Variants in NFYC observed in about 807,000 individuals in gnomAD.
The protein encoded by NFYC is CAAT box DNA-binding protein subunit C.
Under a neutral mutation model 53.1 loss-of-function variants are expected in NFYC, and 25 were observed. That is an observed-to-expected ratio of 0.47 (90% CI 0.34 to 0.66). The LOEUF (loss-of-function observed/expected upper bound fraction) is 0.66, where lower values mean the gene tolerates loss of function less well. Ranked by LOEUF, NFYC falls within the 30% of genes least tolerant of loss-of-function variation. The pLI is 0.01. For synonymous variants in NFYC, 145 were observed against 152.6 expected (o/e 0.95, Z 0.37); for missense variants, 260 against 422.7 (o/e 0.62, Z 3.38).
At chr1:40,752,366 TA>T (rs1645964211) in intron 4 of NFYC, among the ~76,000 whole-genome samples, 1 of 152,212 alleles carries the variant, frequency 6.6e-6, no homozygotes, top group South Asian at 2.1e-4. Flanking sequence ...AAATCTTTAG[TA>T]AAGTACACAA....
chr1:40,749,007 A>C (rs550651670), intron 3 of NFYC, among the ~76,000 whole-genome samples: 1 of 152,324 alleles, frequency 6.6e-6, no homozygotes, highest in South Asian at 2.1e-4. Flanking sequence ...TTTGACCAAG[A>C]GCTTCAACTT....
At position 40,764,286 on chromosome 1, in the gene NFYC, C is replaced by T. The variant is rs144538740; in HGVS notation, c.720+1240C>T. The stretch of plus-strand genomic sequence containing the variant: ...TTAACCACTTCCTCTGTGAAAATAA[C>T]TCTAAAAGTATCCTGAGATCAGTTT... On this transcript the variant is annotated intron_variant, in intron 7 of 9. Transcript: ENST00000447388. Among the ~76,000 whole-genome samples, 98 of 152,302 alleles carry T rather than the reference C, an allele frequency of 6.4e-4. 2 individuals are homozygous for T. In the East Asian group the frequency reaches 0.011, roughly 17 times the overall value.
chr1:40,703,925 A>T (rs562247726), intron 1 of NFYC, among the ~76,000 whole-genome samples: 4 of 152,214 alleles, frequency 2.6e-5, no homozygotes, highest in Non-Finnish European at 5.9e-5. Flanking sequence ...GAAATGGTTA[A>T]GTATCTTGGC....
chr1:40,718,094 A>G (rs1240917582), intron 1 of NFYC, among the ~76,000 whole-genome samples: 2 of 152,200 alleles, frequency 1.3e-5, no homozygotes, highest in Admixed American at 1.3e-4. Flanking sequence ...TTATAATCTA[A>G]ACTCCATGAT....
At chr1:40,725,387 T>C (rs1644474039) in intron 1 of NFYC, among the ~76,000 whole-genome samples, 1 of 152,208 alleles carries the variant, frequency 6.6e-6, no homozygotes, top group Non-Finnish European at 1.5e-5. Flanking sequence ...GGCCACCAGC[T>C]AGTAGGCAGC....
chr1:40,724,047 C>T (rs1054694016), intron 1 of NFYC, among the ~76,000 whole-genome samples: 1 of 152,112 alleles, frequency 6.6e-6, no homozygotes, highest in African/African-American at 2.4e-5. Context: ...AACTCTTCAA[C>T]TCTACTGTTT....
rs1331787253 is a variant in NFYC, at chr1:40,749,131, A to G, written c.178-442A>G. Among the ~76,000 whole-genome samples the G allele has an allele frequency of 3.3e-5, 5 of 152,216 alleles. No homozygotes were observed. In the South Asian group the frequency reaches 8.3e-4, roughly 25 times the overall value. On this transcript the variant is annotated intron_variant, in intron 3 of 9. Transcript: ENST00000447388. ...ATTGCCACAATAAAACTGAAAGGTTATCCTCTTTTTCAGTACATGAAAAAG... is the reference window on the plus strand; with the variant it reads ...ATTGCCACAATAAAACTGAAAGGTTGTCCTCTTTTTCAGTACATGAAAAAG...
intron 1 of NFYC, among the ~76,000 whole-genome samples, chr1:40,737,069 G>A (rs1398791928): frequency 6.8e-6 from 1 of 146,102 alleles, no homozygotes; most frequent in East Asian, 2.1e-4. Flanking sequence ...AGAGGTTGCA[G>A]TGAGCTGAAA....
intron 5 of NFYC, among the ~76,000 whole-genome samples, chr1:40,755,100 G>A (rs981686268): frequency 2.0e-5 from 3 of 152,132 alleles, no homozygotes; most frequent in Non-Finnish European, 2.9e-5. Context: ...CCTTTAAAAC[G>A]CCTACTCTCC....
rs977187617 is a variant in NFYC, at chr1:40,762,827, C to T, written c.562-61C>T. 8.9e-5 allele frequency: 128 copies of T among 1,435,252 alleles called. No individual in the cohort carries two copies. In the African/African-American group the frequency reaches 1.3e-3, roughly 15 times the overall value. The allele number at this position is 1,435,252 out of a possible 1,614,324, so 88.9% of individuals were successfully genotyped here. A position where few individuals can be genotyped will look rare whatever the true frequency, so the allele number is the denominator to read the frequency against. On this transcript the variant is annotated intron_variant, in intron 6 of 9. Transcript: ENST00000447388. ...AGCACATTGCTCGTTATTAACCTCT[C>T]GGTAATCCTGTGGGCTCTGAGCCTG...
intron 1 of NFYC, among the ~76,000 whole-genome samples, chr1:40,726,951 G>A (rs1056695258): frequency 2.0e-5 from 3 of 152,104 alleles, no homozygotes; most frequent in Non-Finnish European, 4.4e-5. Context: ...TTCAAGGAAC[G>A]ACTTTCTTTG....
intron 2 of NFYC, among the ~76,000 whole-genome samples, chr1:40,743,386 C>T (rs562872187): frequency 6.6e-6 from 1 of 152,230 alleles, no homozygotes; most frequent in Non-Finnish European, 1.5e-5. Context: ...AAATAACAGA[C>T]TTCTTCGTGT....
At chr1:40,737,061 A>C (rs1006982574) in intron 1 of NFYC, among the ~76,000 whole-genome samples, 1 of 144,732 alleles carries the variant, frequency 6.9e-6, no homozygotes, top group Non-Finnish European at 1.5e-5. Flanking sequence ...TGGGAGGCAG[A>C]GGTTGCAGTG....
chr1:40,700,811 T>C (rs489213), intron 1 of NFYC, among the ~76,000 whole-genome samples: 18,653 of 152,234 alleles, frequency 0.12, 1,258 homozygotes, highest in African/African-American at 0.15. Flanking sequence ...GGTCTTGAAC[T>C]CAGTGTCTTC....
chr1:40,760,124 T>C (rs1370431248), intron 6 of NFYC, among the ~76,000 whole-genome samples: 3 of 152,194 alleles, frequency 2.0e-5, no homozygotes, highest in Non-Finnish European at 4.4e-5. Context: ...ACCTGGATAA[T>C]TTTTAATTTT....
chr1:40,722,862 C>G (rs949278763), intron 1 of NFYC, among the ~76,000 whole-genome samples: 2 of 152,086 alleles, frequency 1.3e-5, no homozygotes, highest in Non-Finnish European at 2.9e-5. Context: ...GTGCTGCTAA[C>G]CTGCCTAGAG....
intron 6 of NFYC, among the ~76,000 whole-genome samples, chr1:40,761,613 GTCTT>G (rs1224319090): frequency 2.0e-5 from 3 of 152,102 alleles, no homozygotes; most frequent in Admixed American, 6.6e-5. Context: ...ACACTCTGTC[GTCTT>G]TCTTTTTGGC....
Position 40,715,504 on chromosome 1 carries a change from A to G in NFYC, c.-8-23332A>G, listed in dbSNP as rs74666224. 3.8e-3 allele frequency among the ~76,000 whole-genome samples: 574 copies of G among 152,138 alleles called. 3 individuals are homozygous for G. Among genetic ancestry groups the G allele is most frequent in the African/African-American group, 0.013 (548 of 41,500 alleles). ...AGGATCTTTCTACCTCAGCCTCCCA[A>G]AGCACTGGCATTTACAGGTGTGAGC... On this transcript the variant is annotated intron_variant, in intron 1 of 9. Coordinates refer to ENST00000447388, the MANE Select transcript of NFYC (RefSeq NM_014223.5).
At chr1:40,699,665 A>C (rs1263561834) in intron 1 of NFYC, among the ~76,000 whole-genome samples, 1 of 152,188 alleles carries the variant, frequency 6.6e-6, no homozygotes, top group Non-Finnish European at 1.5e-5. Context: ...TAGAAAGGAA[A>C]ACGCCATAAT....
Sources: gnomAD v4.1 joint callset for allele counts (sites outside exome capture counted in the v4.1 genomes callset) on GRCh38, gnomAD v4.1.1 for gene constraint, MANE v1.5 for transcripts, NCBI Gene and HGNC (gene_info 2026-07-23, HGNC 2026-07-21) for gene names.